The following CCDC174 variants were observed in gnomAD, a reference collection of about 807,000 sequenced individuals.
The protein encoded by CCDC174 is coiled-coil domain containing 174.
Under a neutral mutation model 57.1 loss-of-function variants are expected in CCDC174, and 37 were observed. The observed-to-expected ratio is 0.65, with a 90% CI of 0.50 to 0.85. The LOEUF is 0.85. Among genes scored for constraint, CCDC174 ranks in the 40% least tolerant of loss-of-function variants. The probability of loss-of-function intolerance (pLI) is 0.00; values close to 1 mark genes in which losing one functional copy is unlikely to be tolerated. For missense variants in CCDC174, 540 were observed against 574.3 expected (o/e 0.94, Z 0.61); for synonymous variants, 182 against 190.2 (o/e 0.96, Z 0.35).
At chr3:14,652,231 C>T (rs1186148872) in intron 1 of CCDC174, among the ~76,000 whole-genome samples, 1 of 152,134 alleles carries the variant, frequency 6.6e-6, no homozygotes, top group African/African-American at 2.4e-5. Flanking sequence ...ACCCTAGCTT[C>T]TTTTTGCTAT....
In CCDC174 at chr3:14,663,361, A is replaced by G. The variant is rs80060292; in HGVS notation, c.485+1654A>G. Among the ~76,000 whole-genome samples the G allele has an allele frequency of 5.3e-3, 810 of 152,310 alleles. 4 individuals are homozygous for G. Among genetic ancestry groups the G allele is most frequent in the African/African-American group, 0.017 (720 of 41,568 alleles). The stretch of plus-strand genomic sequence containing the variant: ...CCTCATCTGAAGTCAGGTAGCACTT[A>G]ATATACTTCCTGCTCTTCGGGTATT... On this transcript the variant is annotated intron_variant, in intron 5 of 10. Transcript: ENST00000383794.
At chr3:14,664,776 T>C (rs1476522118) in intron 5 of CCDC174, among the ~76,000 whole-genome samples, 1 of 152,250 alleles carries the variant, frequency 6.6e-6, no homozygotes, top group Non-Finnish European at 1.5e-5. Context: ...GATTTATCTG[T>C]GAGATCAAAG....
At chr3:14,655,721 ATTTTAT>A in intron 3 of CCDC174, 92 bp downstream of exon 3, 1 of 745,150 alleles carries the variant, frequency 1.3e-6, no homozygotes, top group Non-Finnish European at 2.2e-6. Context: ...TGATTTACAA[ATTTTAT>A]TTTTAACATC....
intron 5 of CCDC174, among the ~76,000 whole-genome samples, chr3:14,663,080 T>A (rs2031204953): frequency 6.6e-6 from 1 of 152,238 alleles, no homozygotes; most frequent in South Asian, 2.1e-4. Flanking sequence ...AGGCAGGGTC[T>A]CCACACTCCG....
Position 14,651,869 on chromosome 3 carries a change from G to A in CCDC174, c.33G>A (p.Thr11=), listed in dbSNP as rs753321940. 2 of 1,614,088 alleles carry A rather than the reference G, an allele frequency of 1.2e-6. No individual in the cohort carries two copies. The highest frequency in any genetic ancestry group is 1.7e-6 in the Non-Finnish European group (2 of 1,179,968). MDRRKKPLDV[T]ASSLVDLKAE... ...GTAGGAAAAAGCCTTTGGACGTCAC[G>A]GCCTCCTCGGTGAGTGAGGGTATGA... is the stretch of plus-strand genomic sequence containing the variant. The change falls in exon 1 of 11, where the codon ACG becomes ACA. Residue 11 remains threonine, a synonymous_variant. Coordinates refer to ENST00000383794, the MANE Select transcript of CCDC174 (RefSeq NM_016474.5).
chr3:14,652,080 C>T (rs530133124), intron 1 of CCDC174, among the ~76,000 whole-genome samples: 43 of 152,300 alleles, frequency 2.8e-4, no homozygotes, highest in African/African-American at 9.9e-4. Context: ...GGGCTACTCT[C>T]CTCTGACATG....
chr3:14,654,961 A>G lies in CCDC174; in HGVS notation c.147+431A>G, dbSNP rs116979631. ...CTCTGTAATATGTACATTTTCATTA[A>G]TCTTGATTTAGGTTGTAATCATTCA... On this transcript the variant is annotated intron_variant, in intron 2 of 10. Transcript: ENST00000383794. Among the ~76,000 whole-genome samples the G allele has an allele frequency of 5.2e-3, 785 of 152,328 alleles. 6 individuals are homozygous for G. Among genetic ancestry groups the G allele is most frequent in the East Asian group, 0.011 (58 of 5,190 alleles).
intron 5 of CCDC174, among the ~76,000 whole-genome samples, chr3:14,662,720 A>G (rs1008585389): frequency 6.6e-6 from 1 of 152,238 alleles, no homozygotes; most frequent in African/African-American, 2.4e-5. Context: ...ATTTGTTAGG[A>G]ACTGCTCAGG....
At chr3:14,659,803 A>G (rs2031071094) in intron 4 of CCDC174, among the ~76,000 whole-genome samples, 1 of 152,206 alleles carries the variant, frequency 6.6e-6, no homozygotes, top group African/African-American at 2.4e-5. Context: ...GAGAGTGAAT[A>G]TGTAATCAGG....
chr3:14,662,330 A>AC (rs915041228), intron 5 of CCDC174, among the ~76,000 whole-genome samples: 106 of 132,764 alleles, frequency 8.0e-4, no homozygotes, highest in South Asian at 1.1e-3. Context: ...TTGCTTTAAC[A>AC]CCCCCCCGCC....
Position 14,661,530 on chromosome 3 carries a change from A to G in CCDC174, c.308A>G (p.Asp103Gly), listed in dbSNP as rs911992619. Residue 103 changes from aspartate (D) to glycine (G), a missense_variant and splice_region_variant, in exon 5 of 11, where the codon GAT becomes GGT. Transcript: ENST00000383794. ...YEKMTKGDFI[D>G]EEVEDMYLVD... ...CTGAAAACTGATTTTTATGTCCTAG[A>G]TGAAGAAGTAGAGGATATGTACCTT... is the stretch of plus-strand genomic sequence containing the variant. 1.4e-5 allele frequency: 22 copies of G among 1,593,206 alleles called. No homozygotes were observed. Among genetic ancestry groups the G allele is most frequent in the Non-Finnish European group, 1.9e-5 (22 of 1,173,024 alleles).
At position 14,665,122 on chromosome 3, in the gene CCDC174, C is replaced by T. The variant is rs370652248; in HGVS notation, c.580C>T (p.Leu194Phe). ...LEMDKNLQGRLFISPANEKTL... is the reference protein window; with the variant it reads ...LEMDKNLQGRFFISPANEKTL... The stretch of plus-strand genomic sequence containing the variant: ...GATGGATAAAAATCTTCAGGGGAGA[C>T]TGTAAGTGTGTGTGGTATACAGAGC... Residue 194 changes from leucine to phenylalanine, a missense_variant and splice_region_variant, in exon 6 of 11, where the codon CTT (leucine) becomes TTT (phenylalanine). Transcript: ENST00000383794. 1.1e-5 allele frequency: 17 copies of T among 1,607,490 alleles called. No individual in the cohort carries two copies. Among genetic ancestry groups the T allele is most frequent in the Admixed American group, 3.3e-5 (2 of 59,996 alleles).
chr3:14,660,428 C>T (rs531870543), intron 4 of CCDC174, among the ~76,000 whole-genome samples: 9 of 152,308 alleles, frequency 5.9e-5, no homozygotes, highest in South Asian at 2.1e-4. Flanking sequence ...CACTTGAACC[C>T]GCGAGGCGGA....
At chr3:14,656,839 CAA>C (rs1362918107) in intron 3 of CCDC174, among the ~76,000 whole-genome samples, 2 of 152,106 alleles carry the variant, frequency 1.3e-5, no homozygotes, top group Non-Finnish European at 2.9e-5. Context: ...GAGAGAATCC[CAA>C]GTTTCAATGT....
chr3:14,662,304 T>C (rs1263086176), intron 5 of CCDC174, among the ~76,000 whole-genome samples: 1 of 152,134 alleles, frequency 6.6e-6, no homozygotes, highest in Non-Finnish European at 1.5e-5. Context: ...TTATAATGCC[T>C]CATTCCCATG....
chr3:14,652,095 C>T (rs1372224762), intron 1 of CCDC174, among the ~76,000 whole-genome samples: 2 of 152,166 alleles, frequency 1.3e-5, no homozygotes, highest in East Asian at 1.9e-4. Context: ...GACATGCGCC[C>T]GGGCCAGAAC....
At chr3:14,662,371 A>G (rs1312945215) in intron 5 of CCDC174, among the ~76,000 whole-genome samples, 1 of 130,754 alleles carries the variant, frequency 7.6e-6, no homozygotes, top group Non-Finnish European at 1.5e-5. Context: ...TCCAGGCTAC[A>G]CAAGAAAGTG....
intron 8 of CCDC174, among the ~76,000 whole-genome samples, chr3:14,667,807 GGTTTTCTTGAGT>G (rs902958531): frequency 2.0e-5 from 3 of 152,076 alleles, no homozygotes; most frequent in African/African-American, 7.2e-5. Context: ...GGAATGGGTT[GGTTTTCTTGAGT>G]GTTAAGGCTT....
chr3:14,657,081 G>A (rs1447198626), intron 3 of CCDC174, among the ~76,000 whole-genome samples: 1 of 152,196 alleles, frequency 6.6e-6, no homozygotes, highest in African/African-American at 2.4e-5. Context: ...CATATTCTCA[G>A]AATTTTAATT....
Sources: allele counts gnomAD v4.1 joint callset (sites outside exome capture counted in the v4.1 genomes callset), GRCh38; gene constraint gnomAD v4.1.1; transcripts MANE v1.5; gene names NCBI Gene and HGNC (gene_info 2026-07-23, HGNC 2026-07-21).